Variants in MTPAP observed in about 807,000 individuals in gnomAD.
MTPAP encodes mitochondrial poly(A) polymerase, also known as poly(A) RNA polymerase, mitochondrial.
Under a neutral mutation model 48.7 loss-of-function variants are expected in MTPAP, and 23 were observed. That is an observed-to-expected ratio of 0.47 (90% CI 0.34 to 0.67). The LOEUF is 0.67. MTPAP is among the 30% of genes least tolerant of loss of function. The pLI is 0.01. For synonymous variants in MTPAP, 257 were observed against 254.1 expected (o/e 1.01, Z -0.11); for missense variants, 614 against 694.3 (o/e 0.88, Z 1.30).
chr10:30,323,147 A>AAAAG (rs1840745720), intron 5 of MTPAP, among the ~76,000 whole-genome samples: 1 of 148,888 alleles, frequency 6.7e-6, no homozygotes, highest in East Asian at 2.0e-4. Context: ...AAAAAAAAAA[A>AAAAG]AAAGAAAGAA....
chr10:30,348,927 C>T (rs1834901547), intron 1 of MTPAP, 192 bp downstream of exon 1: 2 of 711,082 alleles, frequency 2.8e-6, no homozygotes, highest in Non-Finnish European at 4.7e-6. Context: ...CATCACACAT[C>T]TCACTTCTGC....
chr10:30,346,204 T>A (rs1834872201), intron 1 of MTPAP, among the ~76,000 whole-genome samples: 1 of 152,124 alleles, frequency 6.6e-6, no homozygotes, highest in Non-Finnish European at 1.5e-5. Context: ...GGATTGAGGA[T>A]AGGAAGAGAA....
intron 2 of MTPAP, among the ~76,000 whole-genome samples, chr10:30,340,963 G>A (rs548420650): frequency 1.3e-5 from 2 of 151,756 alleles, no homozygotes; most frequent in East Asian, 1.9e-4. Flanking sequence ...GTTAAGAGAA[G>A]CTGAAAAGAC....
chr10:30,323,648 T>C (rs1840754927), intron 5 of MTPAP, among the ~76,000 whole-genome samples: 1 of 151,972 alleles, frequency 6.6e-6, no homozygotes, highest in Non-Finnish European at 1.5e-5. Flanking sequence ...TAGCTGGGAC[T>C]ACAGGCGCCC....
intron 4 of MTPAP, among the ~76,000 whole-genome samples, chr10:30,329,136 T>C (rs1834634025): frequency 6.6e-6 from 1 of 151,878 alleles, no homozygotes; most frequent in African/African-American, 2.4e-5. Context: ...TAATCCCAGC[T>C]ACTCAGGAGG....
chr10:30,333,462 G>A (rs561595560), intron 4 of MTPAP, among the ~76,000 whole-genome samples: 71 of 152,340 alleles, frequency 4.7e-4, no homozygotes, highest in Non-Finnish European at 8.1e-4. Context: ...TCTGCAGCTT[G>A]ATGCCAGAGC....
intron 5 of MTPAP, among the ~76,000 whole-genome samples, chr10:30,322,965 T>C (rs1840742344): frequency 6.6e-6 from 1 of 151,034 alleles, no homozygotes; most frequent in Non-Finnish European, 1.5e-5. Flanking sequence ...CCTTCTCTAC[T>C]AAAAATACAA....
rs1408126699 is a variant in MTPAP, at chr10:30,336,994, A to G, written c.589T>C (p.Phe197Leu). 1 of 1,613,374 alleles carries G rather than the reference A, an allele frequency of 6.2e-7. No homozygotes were observed. Among genetic ancestry groups the G allele is most frequent in the South Asian group, 1.1e-5 (1 of 91,028 alleles). The change falls in exon 4 of 9, where the codon TTC becomes CTC. Residue 197 changes from phenylalanine (F) to leucine (L), a missense_variant. Physicochemically the swap from Phe to Leu is conservative, Grantham distance 22. Around this residue, in one of 5 missense-constraint regions of MTPAP, gnomAD observed 261 missense variants for 355.4 expected, o/e 0.73. Coordinates refer to ENST00000263063, the MANE Select transcript of MTPAP (RefSeq NM_018109.4). Reference protein sequence around the residue: ...DDQLNTLLKEFQLTEENTKLR... With the variant: ...DDQLNTLLKELQLTEENTKLR... Reference sequence around the variant, plus strand: ...TTAGTGTTCTCCTCTGTTAGCTGGAACTCCTTCAAGAGAGTGTTCAGCTGA... The same window carrying G: ...TTAGTGTTCTCCTCTGTTAGCTGGAGCTCCTTCAAGAGAGTGTTCAGCTGA...
intron 6 of MTPAP, among the ~76,000 whole-genome samples, chr10:30,319,149 G>C (rs1235141387): frequency 6.6e-6 from 1 of 152,156 alleles, no homozygotes; most frequent in Non-Finnish European, 1.5e-5. Flanking sequence ...GATCATCAAG[G>C]AGTTCAAGAG....
At chr10:30,349,034 G>A in intron 1 of MTPAP, 85 bp downstream of exon 1, 1 of 1,596,876 alleles carries the variant, frequency 6.3e-7, no homozygotes, top group Non-Finnish European at 8.6e-7. Flanking sequence ...GTCCACAGCC[G>A]TTTCCACAGG....
In MTPAP at chr10:30,340,238, A is replaced by G; in HGVS notation, c.543T>C (p.Cys181=). ...CCTAAAAACTTACACTTTCTGCATA[A>G]CAAAGTAATTCAAAAAGCTGCTTGT... The part of the protein sequence containing the change: ...RSNKQLFELL[C]YAESIDDQLN... Residue 181 remains cysteine (C), a synonymous_variant, in exon 3 of 9, where the codon TGT becomes TGC. Coordinates refer to ENST00000263063, the MANE Select transcript of MTPAP (RefSeq NM_018109.4). 1 of 1,613,410 alleles carries G rather than the reference A, an allele frequency of 6.2e-7. No homozygotes were observed. The highest frequency in any genetic ancestry group is 1.1e-5 in the South Asian group (1 of 91,056).
At chr10:30,329,728 C>G (rs1404522063) in intron 4 of MTPAP, among the ~76,000 whole-genome samples, 1 of 152,040 alleles carries the variant, frequency 6.6e-6, no homozygotes, top group East Asian at 1.9e-4. Flanking sequence ...GAAAAGTTAC[C>G]TAGTGGTCCA....
In MTPAP at chr10:30,313,620, T is replaced by C; in HGVS notation, c.1738A>G (p.Thr580Ala). ...TKTSGKRTIS[T>A]QT The stretch of plus-strand genomic sequence containing the variant: ...CAATGTAGCAGCCATCATGTCTGAG[T>C]ACTAATTGTTCTCTTCCCACTGGTT... Residue 580 changes from threonine (T) to alanine (A), a missense_variant, in exon 9 of 9, where the codon ACT (threonine) becomes GCT (alanine). Thr to Ala is a moderately conservative substitution (Grantham distance 58, BLOSUM62 0). Coordinates refer to ENST00000263063, the MANE Select transcript of MTPAP (RefSeq NM_018109.4). 6.2e-7 allele frequency: 1 copy of C among 1,614,224 alleles called. No individual in the cohort carries two copies. The highest frequency in any genetic ancestry group is 1.1e-5 in the South Asian group (1 of 91,090).
At chr10:30,319,427 A>C (rs967507231) in intron 6 of MTPAP, among the ~76,000 whole-genome samples, 1 of 152,218 alleles carries the variant, frequency 6.6e-6, no homozygotes, top group Non-Finnish European at 1.5e-5. Context: ...AATGAGAGGT[A>C]CAGCTTAGAA....
rs530695088 is a variant in MTPAP, at chr10:30,341,353, T to C, written c.330+115A>G. ...AAATCTAGATAAAGAAGATGCAGTA[T>C]ATCAAAGAGAACCTACCTACCATAT... On this transcript the variant is annotated intron_variant, in intron 2 of 8. Transcript: ENST00000263063. 18 of 1,309,512 alleles carry C rather than the reference T, an allele frequency of 1.4e-5. No individual in the cohort carries two copies. In the African/African-American group the frequency reaches 2.5e-4, roughly 18 times the overall value. 81.1% of individuals were successfully genotyped at this position (1,309,512 alleles called of 1,614,324 possible).
rs529201603 is a variant in MTPAP, at chr10:30,335,162, T to C, written c.780+1641A>G. Among the ~76,000 whole-genome samples, 6 of 152,300 alleles carry C rather than the reference T, an allele frequency of 3.9e-5. No homozygotes were observed. The East Asian group carries it at 1.2e-3, about 29-fold the overall frequency. On this transcript the variant is annotated intron_variant, in intron 4 of 8. Transcript: ENST00000263063. Reference sequence around the variant, plus strand: ...CTAGTTTGAAAGATGTAAGGAAAGATACAGCCATAGAAACTAAACATTTTA... The same window carrying C: ...CTAGTTTGAAAGATGTAAGGAAAGACACAGCCATAGAAACTAAACATTTTA...
chr10:30,321,738 C>T (rs907850758), intron 6 of MTPAP, among the ~76,000 whole-genome samples: 11 of 152,142 alleles, frequency 7.2e-5, no homozygotes, highest in African/African-American at 2.7e-4. Context: ...TTATGTAAGA[C>T]GGGTAGAAGA....
Position 30,309,897 on chromosome 10 carries a change from A to G in MTPAP, c.*3712T>C, listed in dbSNP as rs941258037. The G allele has an allele frequency of 6.6e-6, 1 of 152,206 alleles. No individual in the cohort carries two copies. The highest frequency in any genetic ancestry group is 1.5e-5 in the Non-Finnish European group (1 of 68,026). The allele number at this position is 152,206 out of a possible 1,614,324, so 9.4% of individuals were successfully genotyped here. On this transcript the variant is annotated 3_prime_UTR_variant, in exon 9 of 9. Transcript: ENST00000263063. ...AGTTTTCCTATAACGTTTCAGGCTA[A>G]TCGTTATTTCCTAGAAAGTCTCTGG...
At chr10:30,320,354 G>A (rs766449521) in intron 6 of MTPAP, among the ~76,000 whole-genome samples, 5 of 152,006 alleles carry the variant, frequency 3.3e-5, no homozygotes, top group South Asian at 2.1e-4. Context: ...GCGAGACCCC[G>A]TTTCAACAAA....
Sources: allele counts gnomAD v4.1 joint callset (sites outside exome capture counted in the v4.1 genomes callset), GRCh38; gene constraint gnomAD v4.1.1; regional missense constraint gnomAD v4.1.1; transcripts MANE v1.5; gene names NCBI Gene and HGNC (gene_info 2026-07-23, HGNC 2026-07-21).